The following RPGRIP1L variants were observed in gnomAD, a reference collection of about 807,000 sequenced individuals.
RPGRIP1L encodes the protein protein fantom.
A neutral mutation model predicts 160.4 loss-of-function variants in RPGRIP1L; 131 were observed. The observed-to-expected ratio is 0.82, with a 90% CI of 0.71 to 0.94. The LOEUF is 0.94. Ranked by LOEUF, RPGRIP1L falls within the 40% of genes least tolerant of loss-of-function variation. RPGRIP1L has a pLI of 0.00. For synonymous variants in RPGRIP1L, 510 were observed against 515.8 expected (o/e 0.99, Z 0.15); for missense variants, 1,522 against 1,535.8 (o/e 0.99, Z 0.15).
intron 16 of RPGRIP1L, among the ~76,000 whole-genome samples, chr16:53,647,336 T>C (rs554719457): frequency 2.0e-5 from 3 of 152,320 alleles, no homozygotes; most frequent in Admixed American, 6.5e-5. Context: ...GAATACATAG[T>C]AGAAATATGG....
At chr16:53,620,146 G>A (rs577706455) in intron 23 of RPGRIP1L, among the ~76,000 whole-genome samples, 1 of 152,180 alleles carries the variant, frequency 6.6e-6, no homozygotes, top group South Asian at 2.1e-4. Flanking sequence ...TATATGACCA[G>A]CTTTTAGGAA....
At chr16:53,700,454 G>A (rs866850717) in intron 2 of RPGRIP1L, among the ~76,000 whole-genome samples, 185 bp downstream of exon 2, 3 of 152,208 alleles carry the variant, frequency 2.0e-5, no homozygotes, top group Non-Finnish European at 4.4e-5. Flanking sequence ...TCTATGAGCT[G>A]TTGATAACTG....
chr16:53,612,589 T>C (rs2150944277), intron 24 of RPGRIP1L, among the ~76,000 whole-genome samples: 2 of 151,786 alleles, frequency 1.3e-5, no homozygotes, highest in East Asian at 3.9e-4. Context: ...CGTACTGGCT[T>C]CCATAGTTTG....
intron 19 of RPGRIP1L, 148 bp from the exon 20 acceptor site, chr16:53,638,559 C>CA: frequency 2.2e-6 from 1 of 445,680 alleles, no homozygotes; most frequent in Non-Finnish European, 3.9e-6. Context: ...TAGTATATTT[C>CA]AATAAAATGG....
rs556097609 is a variant in RPGRIP1L at position 53,639,696 on chromosome 16, C to T, written c.2959-1285G>A. Among the ~76,000 whole-genome samples the T allele has an allele frequency of 2.6e-5, 4 of 152,190 alleles. No homozygotes were observed. In the South Asian group the frequency reaches 8.3e-4, roughly 32 times the overall value. ...CTTAACCTCTCTAAACATCACTTTC[C>T]CTATCTTTAAACGGGAATAATTCTA... On this transcript the variant is annotated intron_variant, in intron 19 of 26. Transcript: ENST00000647211.
chr16:53,653,276 C>G, intron 14 of RPGRIP1L: 1 of 966,824 alleles, frequency 1.0e-6, no homozygotes. Flanking sequence ...TAATGAACAG[C>G]TGAGATAACT....
chr16:53,624,717 T>G (rs1275782329), intron 22 of RPGRIP1L, among the ~76,000 whole-genome samples: 1 of 152,144 alleles, frequency 6.6e-6, no homozygotes, highest in African/African-American at 2.4e-5. Context: ...CTTTTCTGCA[T>G]GTTTGAAATT....
intron 3 of RPGRIP1L, among the ~76,000 whole-genome samples, 183 bp from the exon 4 acceptor site, chr16:53,692,547 A>C (rs1360878102): frequency 6.6e-6 from 1 of 152,226 alleles, no homozygotes; most frequent in African/African-American, 2.4e-5. Flanking sequence ...ACTGGGCAAC[A>C]ATCTGCTTTA....
In RPGRIP1L at chr16:53,599,697, C is replaced by T. The variant is rs1963298723; in HGVS notation, c.*2379G>A. ...CCAGTTTGGCTCACCAAGAGAAATC[C>T]ACTGCTCTTTAACCCAAAAGGTGGT... On this transcript the variant is annotated 3_prime_UTR_variant, in exon 27 of 27. Transcript: ENST00000647211. 6.6e-6 allele frequency: 1 copy of T among 152,190 alleles called. No individual in the cohort carries two copies. Among genetic ancestry groups the T allele is most frequent in the African/African-American group, 2.4e-5 (1 of 41,446 alleles). 9.4% of individuals were successfully genotyped at this position (152,190 alleles called of 1,614,324 possible).
intron 26 of RPGRIP1L, among the ~76,000 whole-genome samples, chr16:53,603,256 G>A (rs1012838428): frequency 1.3e-5 from 2 of 152,222 alleles, no homozygotes; most frequent in African/African-American, 4.8e-5. Flanking sequence ...AATGATAATG[G>A]CTAGTGACTC....
intron 13 of RPGRIP1L, 71 bp downstream of exon 13, chr16:53,657,382 A>C: frequency 1.4e-5 from 14 of 1,023,886 alleles, no homozygotes; most frequent in Non-Finnish European, 2.1e-5. Context: ...GTGATAACAT[A>C]CAGTATTTAG....
intron 9 of RPGRIP1L, among the ~76,000 whole-genome samples, chr16:53,669,085 CAG>C (rs1219573049): frequency 1.3e-5 from 2 of 152,124 alleles, no homozygotes; most frequent in Non-Finnish European, 2.9e-5. Flanking sequence ...ACTAAGCAAA[CAG>C]GGAGTATGTG....
At chr16:53,653,088 C>A in intron 14 of RPGRIP1L, 101 bp from the exon 15 acceptor site, 1 of 990,088 alleles carries the variant, frequency 1.0e-6, no homozygotes, top group South Asian at 1.4e-5. Flanking sequence ...GGTGAACAGT[C>A]TCTATTTTAA....
intron 3 of RPGRIP1L, chr16:53,693,426 A>C (rs1970521082): frequency 6.6e-6 from 1 of 152,228 alleles, no homozygotes; most frequent in Non-Finnish European, 1.5e-5. Flanking sequence ...GTCATAGAAC[A>C]ACCTTTTTTC....
intron 9 of RPGRIP1L, among the ~76,000 whole-genome samples, chr16:53,666,009 C>T (rs75637950): frequency 0.022 from 3,420 of 152,238 alleles, 55 homozygotes; most frequent in South Asian, 0.04. Flanking sequence ...TAATCATCAG[C>T]AGCTTTGACC....
chr16:53,669,331 T>G (rs569691911), intron 9 of RPGRIP1L, among the ~76,000 whole-genome samples: 16 of 152,126 alleles, frequency 1.1e-4, no homozygotes, highest in South Asian at 1.0e-3. Context: ...CTTTTGACAT[T>G]AAATGTTTTG....
intron 2 of RPGRIP1L, among the ~76,000 whole-genome samples, chr16:53,696,879 C>G (rs7204936): frequency 0.21 from 31,718 of 152,072 alleles, 4,542 homozygotes; most frequent in East Asian, 0.44. Flanking sequence ...TTTATGATTT[C>G]TTTTTACAGA....
At chr16:53,648,623 CGCG>C (rs1567834585) in intron 16 of RPGRIP1L, among the ~76,000 whole-genome samples, 17 of 71,240 alleles carry the variant, frequency 2.4e-4, no homozygotes, top group African/African-American at 5.1e-4. Flanking sequence ...TGCGCGCGCG[CGCG>C]CACACACACA....
rs1196191062 is a variant in RPGRIP1L, at chr16:53,692,364, T to C, written c.231A>G (p.Arg77=). The change falls in exon 4 of 27, where the codon AGA becomes AGG. Residue 77 remains arginine (R), a splice_region_variant and synonymous_variant. Transcript: ENST00000647211. ...CTAGCCGTATTAACTTGGTGGCCAT[T>C]CTGGGGAAATAATAAAAAGATGAAA... The part of the protein sequence containing the change: ...HARKQEDKIK[R]MATKLIRLVN... 6.2e-7 allele frequency: 1 copy of C among 1,613,388 alleles called. No individual in the cohort carries two copies. The highest frequency in any genetic ancestry group is 1.3e-5 in the African/African-American group (1 of 74,910).
Sources: gnomAD v4.1 joint callset for allele counts (sites outside exome capture counted in the v4.1 genomes callset) on GRCh38, gnomAD v4.1.1 for gene constraint, MANE v1.5 for transcripts, NCBI Gene and HGNC (gene_info 2026-07-23, HGNC 2026-07-21) for gene names.